SNW1: variants seen among roughly 807,000 people sequenced by gnomAD.
SNW1 encodes the protein SNW domain containing 1.
A neutral mutation model predicts 75.6 loss-of-function variants in SNW1; 9 were observed. The ratio of observed to expected loss-of-function variants is 0.12; its 90% CI spans 0.07 to 0.21. SNW1 has a LOEUF of 0.21. Ranked by LOEUF, SNW1 falls within the 10% of genes least tolerant of loss-of-function variation. The pLI, the probability that SNW1 is intolerant of heterozygous loss-of-function variation, is 1.00. For synonymous variants in SNW1, 200 were observed against 219.1 expected, an observed-to-expected ratio of 0.91 and a Z score of 0.77; for missense variants, 409 against 670.9, an observed-to-expected ratio of 0.61 and a Z score of 4.31.
chr14:77,741,750 T>C (rs1339398065), intron 3 of SNW1, among the ~76,000 whole-genome samples: 2 of 151,770 alleles, frequency 1.3e-5, no homozygotes, highest in East Asian at 3.9e-4. Context: ...AAGAAAAAAA[T>C]ACCAATTCTA....
chr14:77,760,953 C>G, intron 1 of SNW1, 161 bp downstream of exon 1: 1 of 1,536,960 alleles, frequency 6.5e-7, no homozygotes, highest in Non-Finnish European at 9.0e-7. Context: ...TTCGACTAGG[C>G]CTAGTCGTAG....
intron 3 of SNW1, among the ~76,000 whole-genome samples, chr14:77,742,474 C>T (rs1315802864): frequency 6.6e-6 from 1 of 152,034 alleles, no homozygotes; most frequent in Non-Finnish European, 1.5e-5. Context: ...GCTTTGTCAA[C>T]AAGATAAAGT....
At chr14:77,729,665 G>T (rs2080613700) in intron 10 of SNW1, among the ~76,000 whole-genome samples, 1 of 152,196 alleles carries the variant, frequency 6.6e-6, no homozygotes, top group Admixed American at 6.5e-5. Context: ...TGCCAAGAGA[G>T]TAGATCTTAA....
chr14:77,731,154 CAG>C (rs759637791), intron 9 of SNW1, 25 bp from the exon 10 acceptor site: 10 of 1,611,760 alleles, frequency 6.2e-6, no homozygotes, highest in Non-Finnish European at 7.6e-6. Context: ...ACATGTTAAA[CAG>C]GACACTATCA....
chr14:77,724,688 CT>C, intron 10 of SNW1, among the ~76,000 whole-genome samples: 1 of 152,166 alleles, frequency 6.6e-6, no homozygotes, highest in Non-Finnish European at 1.5e-5. Context: ...TGATTTCATT[CT>C]TTTTTATGGC....
chr14:77,741,265 G>A (rs1295526413), intron 3 of SNW1, among the ~76,000 whole-genome samples: 3 of 152,108 alleles, frequency 2.0e-5, no homozygotes, highest in Non-Finnish European at 4.4e-5. Flanking sequence ...TGTAATCACA[G>A]CATTTTGGAA....
chr14:77,742,566 A>C (rs1486408560), intron 3 of SNW1, among the ~76,000 whole-genome samples: 1 of 152,172 alleles, frequency 6.6e-6, no homozygotes, highest in Non-Finnish European at 1.5e-5. Context: ...GCCTGTCAAA[A>C]CATTCACTAT....
chr14:77,757,695 C>T (rs1490808210), intron 1 of SNW1, among the ~76,000 whole-genome samples: 2 of 152,188 alleles, frequency 1.3e-5, no homozygotes, highest in African/African-American at 4.8e-5. Flanking sequence ...TTTCATGAGA[C>T]TGTGAGCAGC....
chr14:77,756,848 C>T (rs1419251983), intron 1 of SNW1, among the ~76,000 whole-genome samples: 4 of 152,178 alleles, frequency 2.6e-5, no homozygotes, highest in Non-Finnish European at 5.9e-5. Flanking sequence ...CATTGCACTC[C>T]AGCCTAGGCA....
At chr14:77,730,088 T>G (rs2080617080) in intron 10 of SNW1, among the ~76,000 whole-genome samples, 1 of 152,154 alleles carries the variant, frequency 6.6e-6, no homozygotes, top group Non-Finnish European at 1.5e-5. Context: ...TTGCTGGCCC[T>G]TCTGTGTGGG....
chr14:77,723,769 C>T (rs2080562735), intron 10 of SNW1, among the ~76,000 whole-genome samples: 1 of 152,156 alleles, frequency 6.6e-6, no homozygotes, highest in Non-Finnish European at 1.5e-5. Context: ...ATTCTCCTGC[C>T]TCAGCCTCCC....
intron 1 of SNW1, 144 bp downstream of exon 1, chr14:77,760,970 C>T: frequency 6.3e-7 from 1 of 1,592,008 alleles, no homozygotes; most frequent in Non-Finnish European, 8.6e-7. Flanking sequence ...GTAGCGGCGG[C>T]CAGCGGGAGG....
intron 1 of SNW1, among the ~76,000 whole-genome samples, chr14:77,755,769 C>G (rs2139934883): frequency 1.3e-5 from 2 of 149,412 alleles, no homozygotes; most frequent in South Asian, 4.2e-4. Flanking sequence ...GACAGAGTCT[C>G]TCTGTGTCAC....
chr14:77,726,765 G>C (rs1321064742), intron 10 of SNW1, among the ~76,000 whole-genome samples: 3 of 151,734 alleles, frequency 2.0e-5, no homozygotes, highest in Non-Finnish European at 4.4e-5. Flanking sequence ...AGTGTGCTGA[G>C]ATCATGCCAC....
At chr14:77,724,303 A>T (rs1376063046) in intron 10 of SNW1, among the ~76,000 whole-genome samples, 2 of 152,244 alleles carry the variant, frequency 1.3e-5, no homozygotes, top group Admixed American at 1.3e-4. Flanking sequence ...CCATCACCTC[A>T]AACATTTGTT....
chr14:77,730,522 GAATT>G (rs1332893302), intron 10 of SNW1, among the ~76,000 whole-genome samples: 2 of 152,040 alleles, frequency 1.3e-5, no homozygotes, highest in Non-Finnish European at 2.9e-5. Context: ...CACTCTAATT[GAATT>G]AATACACCAA....
chr14:77,738,193 G>A (rs576686291), intron 5 of SNW1, among the ~76,000 whole-genome samples: 3 of 151,946 alleles, frequency 2.0e-5, no homozygotes, highest in Admixed American at 2.0e-4. Context: ...TGTAATCCCA[G>A]CTACTCAGGA....
At chr14:77,728,153 T>C (rs1431083900) in intron 10 of SNW1, among the ~76,000 whole-genome samples, 3 of 151,884 alleles carry the variant, frequency 2.0e-5, no homozygotes, top group South Asian at 2.1e-4. Context: ...ATGTTCATAA[T>C]AAAATGTCAG....
intron 3 of SNW1, among the ~76,000 whole-genome samples, chr14:77,749,443 G>T (rs970003765): frequency 6.6e-6 from 1 of 152,148 alleles, no homozygotes; most frequent in African/African-American, 2.4e-5. Flanking sequence ...ACAGAACACT[G>T]CGAGTAGGTA....
Sources: gnomAD v4.1 joint callset for allele counts (sites outside exome capture counted in the v4.1 genomes callset) on GRCh38, gnomAD v4.1.1 for gene constraint, MANE v1.5 for transcripts, NCBI Gene and HGNC (gene_info 2026-07-23, HGNC 2026-07-21) for gene names.